Variants in EDARADD observed in about 807,000 individuals in gnomAD.
EDARADD encodes the protein ectodysplasin-A receptor-associated adapter protein.
A neutral mutation model predicts 25.6 loss-of-function variants in EDARADD; 20 were observed. That is an observed-to-expected ratio of 0.78 (90% CI 0.55 to 1.14). The LOEUF (loss-of-function observed/expected upper bound fraction) is 1.14. Ranked by LOEUF, EDARADD falls within the 50% of genes most tolerant of loss-of-function variation. EDARADD has a pLI of 0.00. For synonymous variants in EDARADD, 86 were observed against 94.4 expected, an observed-to-expected ratio of 0.91 and a Z score of 0.52; for missense variants, 225 against 270.1, an observed-to-expected ratio of 0.83 and a Z score of 1.17.
intron 4 of EDARADD, among the ~76,000 whole-genome samples, chr1:236,456,825 G>A (rs10925132): frequency 0.18 from 26,832 of 150,594 alleles, 2,646 homozygotes; most frequent in African/African-American, 0.26. Context: ...CTTGAACCCC[G>A]GCCCTGCAGC....
intron 1 of EDARADD, among the ~76,000 whole-genome samples, chr1:236,405,810 TTCCTTC>T (rs1667710223): frequency 7.1e-6 from 1 of 141,500 alleles, no homozygotes; most frequent in African/African-American, 2.8e-5. Flanking sequence ...CTTTCTTTCT[TTCCTTC>T]CTTCCTTTCC....
At chr1:236,452,501 C>CT (rs563834450) in intron 4 of EDARADD, among the ~76,000 whole-genome samples, 26,090 of 143,160 alleles carry the variant, frequency 0.18, 2,400 homozygotes, top group South Asian at 0.24. Flanking sequence ...GCCGATCCCC[C>CT]CTCTCTCTCT....
At chr1:236,465,715 G>T (rs987792174) in intron 4 of EDARADD, among the ~76,000 whole-genome samples, 2 of 152,096 alleles carry the variant, frequency 1.3e-5, no homozygotes, top group African/African-American at 4.8e-5. Flanking sequence ...CAATATGGGG[G>T]TTTTTACATA....
chr1:236,471,989 TTAGA>T (rs1172634965), intron 5 of EDARADD, among the ~76,000 whole-genome samples: 1 of 152,224 alleles, frequency 6.6e-6, no homozygotes, highest in Non-Finnish European at 1.5e-5. Flanking sequence ...AACTTACAAG[TTAGA>T]TACAGACACT....
At chr1:236,455,796 TTC>T (rs1472861866) in intron 4 of EDARADD, among the ~76,000 whole-genome samples, 5 of 92,442 alleles carry the variant, frequency 5.4e-5, no homozygotes, top group East Asian at 6.4e-4. Flanking sequence ...AAATCGCCTG[TTC>T]TTTTTTTTTG....
At chr1:236,353,358 G>C (rs1666939156) in intron 3 of EDARADD, among the ~76,000 whole-genome samples, 1 of 152,132 alleles carries the variant, frequency 6.6e-6, no homozygotes, top group African/African-American at 2.4e-5. Context: ...TGTGCATGAG[G>C]TGACTGCTTA....
At chr1:236,466,440 A>ACAC (rs1553270444) in intron 4 of EDARADD, among the ~76,000 whole-genome samples, 5,377 of 124,372 alleles carry the variant, frequency 0.043, 184 homozygotes, top group African/African-American at 0.091. Flanking sequence ...CTCTCTGATA[A>ACAC]ACACACACAC....
At chr1:236,470,258 A>G (rs1052809326) in intron 5 of EDARADD, among the ~76,000 whole-genome samples, 2 of 152,192 alleles carry the variant, frequency 1.3e-5, no homozygotes, top group Admixed American at 6.5e-5. Flanking sequence ...AACCAAGGAA[A>G]CTTCTAAAAG....
chr1:236,440,414 T>A (rs1658367722), intron 4 of EDARADD, among the ~76,000 whole-genome samples: 1 of 152,202 alleles, frequency 6.6e-6, no homozygotes, highest in Admixed American at 6.5e-5. Flanking sequence ...AATAACTTGC[T>A]GGGATTATGA....
chr1:236,393,387 C>CTT (rs1667453006), upstream of EDARADD, among the ~76,000 whole-genome samples: 2 of 86,328 alleles, frequency 2.3e-5, no homozygotes, highest in African/African-American at 1.0e-4. Flanking sequence ...TTCTTTCTTT[C>CTT]TTTCTTTTTT....
intron 1 of EDARADD, among the ~76,000 whole-genome samples, chr1:236,396,156 T>G (rs1667511958): frequency 6.6e-6 from 1 of 152,186 alleles, no homozygotes; most frequent in Non-Finnish European, 1.5e-5. Context: ...TTTCATCAGA[T>G]AGTATCCGCA....
intron 4 of EDARADD, among the ~76,000 whole-genome samples, chr1:236,440,138 T>C (rs1304642261): frequency 6.6e-6 from 1 of 152,232 alleles, no homozygotes; most frequent in Non-Finnish European, 1.5e-5. Flanking sequence ...TATATTGCCT[T>C]TGCTCCTTTG....
At chr1:236,445,237 T>TTTTTGTTGTTGTTG (rs1553268415) in intron 4 of EDARADD, among the ~76,000 whole-genome samples, 1 of 109,560 alleles carries the variant, frequency 9.1e-6, no homozygotes, top group Non-Finnish European at 2.2e-5. Context: ...ATAAATTCTT[T>TTTTTGTTGTTGTTG]TTTTTTTTGA....
At chr1:236,349,257 A>G (rs909061819) in intron 2 of EDARADD, among the ~76,000 whole-genome samples, 7 of 139,628 alleles carry the variant, frequency 5.0e-5, no homozygotes, top group Non-Finnish European at 9.3e-5. Flanking sequence ...CTGCAACTCC[A>G]TCTCCCGGGT....
intron 4 of EDARADD, among the ~76,000 whole-genome samples, chr1:236,446,554 GAA>G (rs11315580): frequency 6.7e-6 from 1 of 148,420 alleles, no homozygotes; most frequent in Non-Finnish European, 1.5e-5. Flanking sequence ...TCCATCTCAA[GAA>G]AAAAAAAAAG....
At chr1:236,444,489 TC>T (rs1247841226) in intron 4 of EDARADD, among the ~76,000 whole-genome samples, 2 of 152,154 alleles carry the variant, frequency 1.3e-5, no homozygotes, top group Non-Finnish European at 2.9e-5. Context: ...TGGCACAATT[TC>T]GGCTCACTGC....
At chr1:236,376,008 C>A (rs932211659) in intron 3 of EDARADD, among the ~76,000 whole-genome samples, 1 of 146,492 alleles carries the variant, frequency 6.8e-6, no homozygotes, top group Non-Finnish European at 1.5e-5. Flanking sequence ...GATCTTGGCT[C>A]ACTACCACCT....
chr1:236,476,526 A>ATT (rs35190730), intron 5 of EDARADD, among the ~76,000 whole-genome samples: 109 of 147,234 alleles, frequency 7.4e-4, no homozygotes, highest in African/African-American at 2.3e-3. Context: ...GTCCCTACAG[A>ATT]TTTTTTTTTT....
chr1:236,407,966 A>C (rs1446993381), intron 1 of EDARADD, among the ~76,000 whole-genome samples: 1 of 152,198 alleles, frequency 6.6e-6, no homozygotes, highest in African/African-American at 2.4e-5. Flanking sequence ...CATAAACAAC[A>C]TTCAGAAGAT....
Sources: allele counts gnomAD v4.1 joint callset (sites outside exome capture counted in the v4.1 genomes callset), GRCh38; gene constraint gnomAD v4.1.1; transcripts MANE v1.5; gene names NCBI Gene and HGNC (gene_info 2026-07-23, HGNC 2026-07-21).